Variants in ZSWIM5 observed in about 807,000 individuals in gnomAD.
The protein encoded by ZSWIM5 is zinc finger SWIM domain-containing protein 5.
In ZSWIM5, 55 loss-of-function variants were observed where a neutral mutation model predicts 119.6. That is an observed-to-expected ratio of 0.46 (90% CI 0.37 to 0.58). The LOEUF is 0.58. Among genes scored for constraint, ZSWIM5 ranks in the 20% least tolerant of loss-of-function variants. ZSWIM5 has a pLI of 0.00. For missense variants in ZSWIM5, 1,193 were observed against 1,512.8 expected, an observed-to-expected ratio of 0.79 and a Z score of 3.51; for synonymous variants, 537 against 606.9, an observed-to-expected ratio of 0.88 and a Z score of 1.69.
Position 45,206,571 on chromosome 1 carries a change from G to C in ZSWIM5, c.-221C>G, listed in dbSNP as rs1228031285. 1.0e-6 allele frequency: 1 copy of C among 991,464 alleles called. No individual in the cohort carries two copies. 61.4% of individuals were successfully genotyped at this position (991,464 alleles called of 1,614,324 possible). ...GCGGCCTGCAGGGTAGCGTGAGGCG[G>C]CGCGCGGTGTCCTGGCCGCCGCGGA... On this transcript the variant is annotated 5_prime_UTR_variant, in exon 1 of 14. Coordinates refer to ENST00000359600, the MANE Select transcript of ZSWIM5 (RefSeq NM_020883.2).
chr1:45,151,938 A>G (rs770829969), intron 1 of ZSWIM5, among the ~76,000 whole-genome samples: 6 of 152,154 alleles, frequency 3.9e-5, no homozygotes, highest in African/African-American at 9.7e-5. Context: ...TATTTACTCA[A>G]CTGGTACTTA....
At chr1:45,084,405 C>T (rs1226616209) in intron 2 of ZSWIM5, among the ~76,000 whole-genome samples, 1 of 152,052 alleles carries the variant, frequency 6.6e-6, no homozygotes, top group Non-Finnish European at 1.5e-5. Context: ...CCTTCTAAAT[C>T]TCATATCCTT....
intron 1 of ZSWIM5, among the ~76,000 whole-genome samples, chr1:45,121,788 T>G (rs923518191): frequency 6.6e-6 from 1 of 152,028 alleles, no homozygotes. Flanking sequence ...AGGGTCTCAC[T>G]ATGTTGCCCA....
rs1456080828 is a variant in ZSWIM5, at chr1:45,044,833, A to G, written c.1433-1438T>C. On this transcript the variant is annotated intron_variant, in intron 5 of 13. Coordinates refer to ENST00000359600, the MANE Select transcript of ZSWIM5 (RefSeq NM_020883.2). ...TATATATATATATAAATATATATAT[A>G]TAAATATATATATATAGATTAGCCG... Among the ~76,000 whole-genome samples, 2 of 11,560 alleles carry G rather than the reference A, an allele frequency of 1.7e-4. 1 individual carries two copies. The highest frequency in any genetic ancestry group is 7.6e-3 in the East Asian group (2 of 262). The allele number at this position is 11,560 out of a possible 152,430, so 7.6% of individuals were successfully genotyped here.
intron 5 of ZSWIM5, among the ~76,000 whole-genome samples, chr1:45,044,132 G>A (rs930965510): frequency 2.0e-5 from 3 of 151,372 alleles, no homozygotes; most frequent in African/African-American, 7.3e-5. Flanking sequence ...AGAGGCTGCA[G>A]TGAGCCAAGA....
At chr1:45,098,755 C>T (rs556365131) in intron 1 of ZSWIM5, among the ~76,000 whole-genome samples, 3 of 152,226 alleles carry the variant, frequency 2.0e-5, no homozygotes, top group Admixed American at 1.3e-4. Context: ...CACTCAAAAC[C>T]GCACAACTAC....
chr1:45,158,331 G>T (rs762086745), intron 1 of ZSWIM5, among the ~76,000 whole-genome samples: 4 of 152,002 alleles, frequency 2.6e-5, no homozygotes, highest in Non-Finnish European at 5.9e-5. Context: ...ACCATGCCTG[G>T]CTAATTTTTG....
intron 2 of ZSWIM5, among the ~76,000 whole-genome samples, chr1:45,061,499 T>C (rs181253584): frequency 2.0e-4 from 30 of 151,980 alleles, no homozygotes; most frequent in African/African-American, 7.0e-4. Context: ...GCCTCCCAAG[T>C]AGCTGGGATT....
chr1:45,149,256 C>T (rs1645781614), intron 1 of ZSWIM5, among the ~76,000 whole-genome samples: 1 of 152,186 alleles, frequency 6.6e-6, no homozygotes. Context: ...AGAGCAAGAC[C>T]TTGTCTCTAA....
At chr1:45,104,079 A>C (rs1045387647) in intron 1 of ZSWIM5, among the ~76,000 whole-genome samples, 3 of 152,214 alleles carry the variant, frequency 2.0e-5, no homozygotes, top group Admixed American at 6.5e-5. Flanking sequence ...CCTCTTGAAT[A>C]AATTTGGTTT....
At chr1:45,105,294 C>T (rs1474869183) in intron 1 of ZSWIM5, among the ~76,000 whole-genome samples, 2 of 152,182 alleles carry the variant, frequency 1.3e-5, no homozygotes, top group East Asian at 3.9e-4. Flanking sequence ...GATCTCGGCT[C>T]GCTACAACCT....
rs528224821 is a variant in ZSWIM5, at chr1:45,092,603, C to T, written c.596-4366G>A. On this transcript the variant is annotated intron_variant, in intron 1 of 13. Coordinates refer to ENST00000359600, the MANE Select transcript of ZSWIM5 (RefSeq NM_020883.2). Reference sequence around the variant, plus strand: ...CAGGCGTGAGCCCCCGCACCTGGCCCGATGGTTAGTTTTATGTGTTAATTT... The same window carrying T: ...CAGGCGTGAGCCCCCGCACCTGGCCTGATGGTTAGTTTTATGTGTTAATTT... 6.0e-5 allele frequency among the ~76,000 whole-genome samples: 9 copies of T among 150,222 alleles called. No homozygotes were observed. The South Asian group carries it at 1.5e-3, about 25-fold the overall frequency.
intron 1 of ZSWIM5, among the ~76,000 whole-genome samples, chr1:45,096,657 C>A (rs901082207): frequency 3.3e-5 from 5 of 152,122 alleles, no homozygotes; most frequent in African/African-American, 1.2e-4. Context: ...GTTTTACAAC[C>A]AGTGCATTTA....
intron 2 of ZSWIM5, among the ~76,000 whole-genome samples, chr1:45,061,034 T>G (rs1645149304): frequency 6.6e-6 from 1 of 152,182 alleles, no homozygotes; most frequent in African/African-American, 2.4e-5. Context: ...CAGGGTGATA[T>G]GATTTTATAA....
intron 1 of ZSWIM5, among the ~76,000 whole-genome samples, chr1:45,105,655 G>A (rs1645468368): frequency 6.9e-6 from 1 of 145,982 alleles, no homozygotes. Flanking sequence ...AGGAAGTGAG[G>A]AGCACCTCTG....
chr1:45,109,361 AT>A (rs1645501049), intron 1 of ZSWIM5, among the ~76,000 whole-genome samples: 1 of 152,208 alleles, frequency 6.6e-6, no homozygotes, highest in African/African-American at 2.4e-5. Flanking sequence ...GTACAACCCC[AT>A]TAATTGGCCA....
chr1:45,178,567 C>G (rs1222426983), intron 1 of ZSWIM5, among the ~76,000 whole-genome samples: 1 of 152,076 alleles, frequency 6.6e-6, no homozygotes, highest in Non-Finnish European at 1.5e-5. Context: ...AATGTAATAT[C>G]TTAAATTACT....
intron 1 of ZSWIM5, among the ~76,000 whole-genome samples, chr1:45,184,113 T>C (rs1242304615): frequency 6.6e-6 from 1 of 152,220 alleles, no homozygotes; most frequent in African/African-American, 2.4e-5. Context: ...TCAATAAATG[T>C]AATCCAGCAT....
intron 1 of ZSWIM5, among the ~76,000 whole-genome samples, chr1:45,128,275 C>A (rs955987976): frequency 5.9e-5 from 9 of 152,142 alleles, no homozygotes; most frequent in African/African-American, 1.9e-4. Context: ...CTCACTGCAG[C>A]CTCAACTCCC....
Sources: allele counts gnomAD v4.1 joint callset (sites outside exome capture counted in the v4.1 genomes callset), GRCh38; gene constraint gnomAD v4.1.1; transcripts MANE v1.5; gene names NCBI Gene and HGNC (gene_info 2026-07-23, HGNC 2026-07-21).